CNTNAP3: variants seen among roughly 807,000 people sequenced by gnomAD.
The protein encoded by CNTNAP3 is contactin associated protein family member 3.
CNTNAP3 carries 36 observed loss-of-function variants against 92.1 expected under a neutral mutation model. The ratio of observed to expected loss-of-function variants is 0.39; its 90% confidence interval spans 0.30 to 0.52. The LOEUF (loss-of-function observed/expected upper bound fraction) is 0.52. CNTNAP3 is among the 20% of genes least tolerant of loss of function. The pLI, the probability that CNTNAP3 is intolerant of heterozygous loss-of-function variation, is 0.76. For synonymous variants in CNTNAP3, 232 were observed against 422.3 expected, an observed-to-expected ratio of 0.55 and a Z score of 5.53; for missense variants, 534 against 1,069.6, an observed-to-expected ratio of 0.50 and a Z score of 6.98.
intron 15 of CNTNAP3, 99 bp downstream of exon 15, chr9:39,109,061 C>T (rs1563880582): frequency 6.7e-7 from 1 of 1,484,332 alleles, no homozygotes; most frequent in Non-Finnish European, 9.0e-7. Context: ...CCTAGTACTG[C>T]CACTATTCTC....
At chr9:39,150,982 A>G (rs1821830220) in intron 9 of CNTNAP3, among the ~76,000 whole-genome samples, 1 of 148,402 alleles carries the variant, frequency 6.7e-6, no homozygotes, top group Non-Finnish European at 1.5e-5. Context: ...CCTCTGAGTT[A>G]CAATATATAA....
In CNTNAP3 at chr9:39,144,434, G is replaced by A. The variant is rs569375453; in HGVS notation, c.1650-88C>T. On this transcript the variant is annotated intron_variant, in intron 10 of 23. Coordinates refer to ENST00000297668, the MANE Select transcript of CNTNAP3 (RefSeq NM_033655.5). ...CCAAAAACAGGTTAACCAAAAACAG[G>A]TTAATGTGAAAGAGCAGCATATGCA... The A allele has an allele frequency of 3.3e-6, 5 of 1,499,162 alleles. No homozygotes were observed. In the South Asian group the frequency reaches 5.3e-5, roughly 16 times the overall value. The allele number at this position is 1,499,162 out of a possible 1,614,324, so 92.9% of individuals were successfully genotyped here.
intron 12 of CNTNAP3, among the ~76,000 whole-genome samples, chr9:39,138,054 T>TG (rs1287966972): frequency 1.3e-4 from 18 of 141,270 alleles, no homozygotes; most frequent in Middle Eastern, 3.6e-3. Flanking sequence ...AATGCTGTTT[T>TG]TTGTTGTTGT....
intron 11 of CNTNAP3, 51 bp from the exon 12 acceptor site, chr9:39,140,689 G>A (rs749648893): frequency 1.3e-5 from 20 of 1,541,076 alleles, no homozygotes; most frequent in African/African-American, 4.2e-5. Context: ...TCCAGATGTT[G>A]AGTCAGTGTC....
intron 14 of CNTNAP3, among the ~76,000 whole-genome samples, chr9:39,112,960 A>G (rs1431120996): frequency 6.6e-6 from 1 of 152,218 alleles, no homozygotes; most frequent in East Asian, 1.9e-4. Context: ...ACCACTTGGC[A>G]TTTTTTTGAA....
intron 10 of CNTNAP3, among the ~76,000 whole-genome samples, chr9:39,149,284 G>T (rs1165686192): frequency 6.6e-6 from 1 of 152,016 alleles, no homozygotes; most frequent in Non-Finnish European, 1.5e-5. Flanking sequence ...TTCATAAGGT[G>T]TATGTCTTCT....
At chr9:39,133,436 G>A (rs1047771656) in intron 12 of CNTNAP3, among the ~76,000 whole-genome samples, 14 of 151,528 alleles carry the variant, frequency 9.2e-5, no homozygotes, top group Non-Finnish European at 1.9e-4. Flanking sequence ...CACAAGCATG[G>A]GGCCAAACTG....
chr9:39,140,912 A>T (rs1332031814), intron 11 of CNTNAP3, among the ~76,000 whole-genome samples: 4 of 152,212 alleles, frequency 2.6e-5, no homozygotes, highest in Non-Finnish European at 4.4e-5. Flanking sequence ...GTCACAGTGT[A>T]TTTCTATTTT....
At chr9:39,111,198 C>A (rs1350712655) in intron 14 of CNTNAP3, among the ~76,000 whole-genome samples, 2 of 151,844 alleles carry the variant, frequency 1.3e-5, no homozygotes, top group Non-Finnish European at 2.9e-5. Flanking sequence ...CAATTCTCTT[C>A]TGGCTATTTT....
chr9:39,083,766 T>C (rs1826002772), intron 21 of CNTNAP3, among the ~76,000 whole-genome samples: 1 of 152,202 alleles, frequency 6.6e-6, no homozygotes, highest in Admixed American at 6.5e-5. Context: ...GGATCATCTT[T>C]ACTGAATTAT....
chr9:39,103,766 A>G lies in CNTNAP3; in HGVS notation c.2514T>C (p.Asp838=), dbSNP rs56870272. ...GVFMENLGIT[D]FIRIELRAPT... Reference sequence around the variant, plus strand: ...TACCACGCAGCTCAATCCTGATGAAATCTGTGATCCCCAGGTTCTCCATAA... The same window carrying G: ...TACCACGCAGCTCAATCCTGATGAAGTCTGTGATCCCCAGGTTCTCCATAA... Residue 838 remains aspartate (D), a synonymous_variant, in exon 16 of 24, where the codon GAT becomes GAC. Transcript: ENST00000297668. 8.9e-3 allele frequency: 14,166 copies of G among 1,598,070 alleles called. 308 individuals carry two copies. Among genetic ancestry groups the G allele is most frequent in the South Asian group, 0.035 (2,990 of 84,252 alleles).
At chr9:39,112,469 A>G (rs948131357) in intron 14 of CNTNAP3, among the ~76,000 whole-genome samples, 11 of 152,076 alleles carry the variant, frequency 7.2e-5, no homozygotes, top group South Asian at 6.2e-4. Context: ...GGATTCAAGC[A>G]ATTCTCCTGC....
intron 13 of CNTNAP3, among the ~76,000 whole-genome samples, chr9:39,121,630 T>C (rs1438355800): frequency 1.3e-5 from 2 of 152,124 alleles, no homozygotes; most frequent in Non-Finnish European, 2.9e-5. Context: ...AACTGACTAA[T>C]TGATGGATAC....
intron 18 of CNTNAP3, among the ~76,000 whole-genome samples, chr9:39,091,743 T>C (rs1166292391): frequency 6.6e-6 from 1 of 151,844 alleles, no homozygotes; most frequent in African/African-American, 2.4e-5. Context: ...TGCTCCTTTC[T>C]CTTTTATTTT....
chr9:39,077,153 T>C (rs1461492870), intron 23 of CNTNAP3, among the ~76,000 whole-genome samples: 1 of 152,312 alleles, frequency 6.6e-6, no homozygotes, highest in African/African-American at 2.4e-5. Context: ...AGATTAGTTC[T>C]TTCCAAAGTA....
chr9:39,088,921 C>CA (rs1475277538), intron 18 of CNTNAP3, among the ~76,000 whole-genome samples: 6 of 152,190 alleles, frequency 3.9e-5, no homozygotes, highest in Non-Finnish European at 8.8e-5. Context: ...CTTATATTTA[C>CA]ATATAACTAA....
At chr9:39,142,712 CA>C (rs1486597444) in intron 11 of CNTNAP3, among the ~76,000 whole-genome samples, 1 of 150,758 alleles carries the variant, frequency 6.6e-6, no homozygotes, top group African/African-American at 2.4e-5. Flanking sequence ...GCTTTATAAA[CA>C]GGGACCCTTC....
At position 39,083,073 on chromosome 9, in the gene CNTNAP3, C is replaced by CTGTA; in HGVS notation, c.3442+2659_3442+2662dup. On this transcript the variant is annotated intron_variant, in intron 21 of 23. Coordinates refer to ENST00000297668, the MANE Select transcript of CNTNAP3 (RefSeq NM_033655.5). ...GTTGATGAATTTTAAAATGTTAAAACTGTATGTCTTATGTGACATCTCCTT... is the reference window on the plus strand; with the variant it reads ...GTTGATGAATTTTAAAATGTTAAAACTGTATGTATGTCTTATGTGACATCTCCTT... Among the ~76,000 whole-genome samples, 4 of 151,894 alleles carry CTGTA rather than the reference C, an allele frequency of 2.6e-5. No individual in the cohort carries two copies. The South Asian group carries it at 8.3e-4, about 32-fold the overall frequency.
rs962508270 is a variant in CNTNAP3 at position 39,067,555 on chromosome 9, G to T, written c.*6335C>A. 6.6e-6 allele frequency among the ~76,000 whole-genome samples: 1 copy of T among 152,304 alleles called. No individual in the cohort carries two copies. The highest frequency in any genetic ancestry group is 1.5e-5 in the Non-Finnish European group (1 of 68,054). The stretch of plus-strand genomic sequence containing the variant: ...TGGGACTTCAGGCGCCCAACACCAC[G>T]CCCGGCTAATTTTTGTATGTTTAGT... On this transcript the variant is annotated 3_prime_UTR_variant, in exon 24 of 24. Coordinates refer to ENST00000297668, the MANE Select transcript of CNTNAP3 (RefSeq NM_033655.5).
Sources: gnomAD v4.1 joint callset for allele counts (sites outside exome capture counted in the v4.1 genomes callset) on GRCh38, gnomAD v4.1.1 for gene constraint, MANE v1.5 for transcripts, NCBI Gene and HGNC (gene_info 2026-07-23, HGNC 2026-07-21) for gene names.